PSIP1: variants seen among roughly 807,000 people sequenced by gnomAD.
The protein encoded by PSIP1 is PC4 and SRSF1 interacting protein 1.
Under a neutral mutation model 74.7 loss-of-function variants are expected in PSIP1, and 19 were observed. The ratio of observed to expected loss-of-function variants is 0.25; its 90% confidence interval spans 0.18 to 0.37. The LOEUF (loss-of-function observed/expected upper bound fraction) is 0.37, where lower values mean the gene tolerates loss of function less well. PSIP1 is among the 10% of genes least tolerant of loss of function. The pLI is 1.00. For synonymous variants in PSIP1, 222 were observed against 195.3 expected, an observed-to-expected ratio of 1.14 and a Z score of -1.14; for missense variants, 601 against 614.3, an observed-to-expected ratio of 0.98 and a Z score of 0.23.
rs2037800755 is a variant in PSIP1, at chr9:15,510,295, G to A, written c.-107C>T. The A allele has an allele frequency of 4.6e-6, 4 of 861,518 alleles. No homozygotes were observed. The highest frequency in any genetic ancestry group is 5.9e-5 in the East Asian group (2 of 33,984). The allele number at this position is 861,518 out of a possible 1,614,324, so 53.4% of individuals were successfully genotyped here. On this transcript the variant is annotated 5_prime_UTR_variant, in exon 2 of 16. Coordinates refer to ENST00000380733, the MANE Select transcript of PSIP1 (RefSeq NM_033222.5). The stretch of plus-strand genomic sequence containing the variant: ...GGGCCCAGCTACCGGGCCCGCGGGC[G>A]GGGGAGGATGCCTCGGGGCGTCCCG...
chr9:15,482,147 C>T (rs1024281296), intron 6 of PSIP1, among the ~76,000 whole-genome samples: 1 of 152,088 alleles, frequency 6.6e-6, no homozygotes, highest in African/African-American at 2.4e-5. Context: ...ACACAAAAAC[C>T]TCATGGGATT....
intron 6 of PSIP1, 25 bp downstream of exon 6, chr9:15,485,981 A>G (rs367709602): frequency 1.3e-6 from 2 of 1,568,034 alleles, no homozygotes; most frequent in Admixed American, 1.7e-5. Context: ...TCAGATCCCC[A>G]TGGTTGGTAA....
At chr9:15,470,380 T>C (rs948702785) in intron 10 of PSIP1, among the ~76,000 whole-genome samples, 1 of 152,102 alleles carries the variant, frequency 6.6e-6, no homozygotes, top group Non-Finnish European at 1.5e-5. Context: ...AACAAGCAGA[T>C]TAATGAGTTC....
chr9:15,486,470 T>C (rs1214578715), intron 5 of PSIP1, among the ~76,000 whole-genome samples: 1 of 152,212 alleles, frequency 6.6e-6, no homozygotes, highest in Non-Finnish European at 1.5e-5. Context: ...ACAGATCATA[T>C]ACAGTTGGAC....
At position 15,465,033 on chromosome 9, in the gene PSIP1, A is replaced by G; in HGVS notation, c.*487T>C. The G allele has an allele frequency of 4.5e-6, 1 of 222,070 alleles. No individual in the cohort carries two copies. Among genetic ancestry groups the G allele is most frequent in the Non-Finnish European group, 9.0e-6 (1 of 111,020 alleles). 13.8% of individuals were successfully genotyped at this position (222,070 alleles called of 1,614,324 possible). On this transcript the variant is annotated 3_prime_UTR_variant, in exon 16 of 16. Transcript: ENST00000380733. ...AACTTTTGATAAAAAGGGAGTGAGT[A>G]CTTGTATAGAAGTAACATTTTATCT...
chr9:15,478,749 G>A (rs1035139857), intron 7 of PSIP1, among the ~76,000 whole-genome samples, 197 bp from the exon 8 acceptor site: 2 of 151,956 alleles, frequency 1.3e-5, no homozygotes, highest in African/African-American at 2.4e-5. Context: ...TTTATAAAGA[G>A]GTAAACAGAG....
intron 3 of PSIP1, among the ~76,000 whole-genome samples, chr9:15,500,682 A>G (rs1563896700): frequency 6.6e-6 from 1 of 152,186 alleles, no homozygotes; most frequent in African/African-American, 2.4e-5. Flanking sequence ...TCCTAAAACT[A>G]TAAATTAGAC....
intron 6 of PSIP1, among the ~76,000 whole-genome samples, chr9:15,484,094 T>A (rs1307078604): frequency 1.4e-5 from 2 of 142,734 alleles, no homozygotes; most frequent in African/African-American, 5.3e-5. Context: ...ATCATGCCAC[T>A]GCACTCCAGT....
chr9:15,469,236 C>G (rs768155610), intron 12 of PSIP1, 30 bp downstream of exon 12: 6 of 1,403,980 alleles, frequency 4.3e-6, no homozygotes, highest in African/African-American at 1.4e-5. Flanking sequence ...AAATGCAGTA[C>G]TGAAGTATTA....
intron 3 of PSIP1, among the ~76,000 whole-genome samples, chr9:15,499,973 G>A (rs2037257044): frequency 6.6e-6 from 1 of 151,398 alleles, no homozygotes; most frequent in Admixed American, 6.6e-5. Flanking sequence ...AAGTAATATT[G>A]CTAAACAGAA....
chr9:15,465,402 A>G lies in PSIP1; in HGVS notation c.*118T>C. On this transcript the variant is annotated 3_prime_UTR_variant, in exon 16 of 16. Coordinates refer to ENST00000380733, the MANE Select transcript of PSIP1 (RefSeq NM_033222.5). ...TTAAAACAAAGGGATTTTCTCCCTC[A>G]AAACAAGTTTTCAACATCAAACCTA... 1.1e-6 allele frequency: 1 copy of G among 895,674 alleles called. No homozygotes were observed. The highest frequency in any genetic ancestry group is 2.6e-5 in the East Asian group (1 of 38,554). The allele number at this position is 895,674 out of a possible 1,614,324, so 55.5% of individuals were successfully genotyped here. A position where few individuals can be genotyped will look rare whatever the true frequency, so the allele number is the denominator to read the frequency against.
rs547476679 is a variant in PSIP1 at position 15,487,883 on chromosome 9, C to T, written c.289-952G>A. On this transcript the variant is annotated intron_variant, in intron 4 of 15. Transcript: ENST00000380733. ...TGATATGGTTCGATGAATCCATTAA[C>T]AAGTAAGTACTGGGAAGTAATAAAG... Among the ~76,000 whole-genome samples the T allele has an allele frequency of 9.5e-4, 144 of 152,286 alleles. 3 individuals carry two copies. In the South Asian group the frequency reaches 0.029, roughly 30 times the overall value.
rs2035486566 is a variant in PSIP1, at chr9:15,464,625, GCAT to G, written c.*892_*894del. The G allele has an allele frequency of 1.5e-5, 3 of 197,764 alleles. No individual in the cohort carries two copies. The highest frequency in any genetic ancestry group is 4.6e-5 in the African/African-American group (2 of 43,330). The allele number at this position is 197,764 out of a possible 1,614,324, so 12.3% of individuals were successfully genotyped here. The stretch of plus-strand genomic sequence containing the variant: ...ACATTTATTCATATTTATTGTATAA[GCAT>G]CATGATTTTTTCTTCCAATTAAGTT... On this transcript the variant is annotated 3_prime_UTR_variant, in exon 16 of 16. Transcript: ENST00000380733.
At chr9:15,478,783 T>A (rs2036209728) in intron 7 of PSIP1, among the ~76,000 whole-genome samples, 1 of 152,160 alleles carries the variant, frequency 6.6e-6, no homozygotes, top group Admixed American at 6.5e-5. Flanking sequence ...GTCCTTATTA[T>A]GACTGAGAGG....
rs2037799453 is a variant in PSIP1 at position 15,510,275 on chromosome 9, C to CA, written c.-88dup. 1.6e-6 allele frequency: 2 copies of CA among 1,227,708 alleles called. No individual in the cohort carries two copies. Among genetic ancestry groups the CA allele is most frequent in the African/African-American group, 3.1e-5 (2 of 63,540 alleles). The allele number at this position is 1,227,708 out of a possible 1,614,324, so 76.1% of individuals were successfully genotyped here. A position where few individuals can be genotyped will look rare whatever the true frequency, so the allele number is the denominator to read the frequency against. ...GGGATGCGGGCGGCGGACGCGGGCCCAGCTACCGGGCCCGCGGGCGGGGGA... is the reference window on the plus strand; with the variant it reads ...GGGATGCGGGCGGCGGACGCGGGCCCAAGCTACCGGGCCCGCGGGCGGGGGA... On this transcript the variant is annotated 5_prime_UTR_variant, in exon 2 of 16. Transcript: ENST00000380733.
intron 3 of PSIP1, among the ~76,000 whole-genome samples, chr9:15,494,929 C>A (rs555630731): frequency 3.3e-5 from 5 of 152,242 alleles, no homozygotes; most frequent in East Asian, 1.9e-4. Flanking sequence ...TTGAGTTAAA[C>A]CTCCATGAAA....
At position 15,506,586 on chromosome 9, in the gene PSIP1, T is replaced by C; in HGVS notation, c.124A>G (p.Ile42Val). ...GTCTCATGAGTTCCAAAAAAGAAAA[T>C]GGGTAGTTTGTTTGTGGGTGGCTTT... ...AVKPPTNKLP[I>V]FFFGTHETAF... Residue 42 changes from isoleucine to valine, a missense_variant, in exon 3 of 16, where the codon ATT becomes GTT. Ile to Val is a conservative substitution (Grantham distance 29, BLOSUM62 3). Coordinates refer to ENST00000380733, the MANE Select transcript of PSIP1 (RefSeq NM_033222.5). 1 of 1,612,604 alleles carries C rather than the reference T, an allele frequency of 6.2e-7. No homozygotes were observed. The highest frequency in any genetic ancestry group is 8.5e-7 in the Non-Finnish European group (1 of 1,178,828).
At chr9:15,506,349 C>T (rs895840306) in intron 3 of PSIP1, 1 of 397,142 alleles carries the variant, frequency 2.5e-6, no homozygotes, top group Non-Finnish European at 4.5e-6. Context: ...TTCTACTTTC[C>T]TTTTTGGTTA....
intron 3 of PSIP1, among the ~76,000 whole-genome samples, chr9:15,492,990 T>C (rs572256643): frequency 2.6e-5 from 4 of 152,148 alleles, no homozygotes; most frequent in Admixed American, 6.5e-5. Context: ...TCTCGTCCTA[T>C]GATGAGAGGG....
Sources: allele counts gnomAD v4.1 joint callset (sites outside exome capture counted in the v4.1 genomes callset), GRCh38; gene constraint gnomAD v4.1.1; transcripts MANE v1.5; gene names NCBI Gene and HGNC (gene_info 2026-07-23, HGNC 2026-07-21).